Variants in UNC13A observed in about 807,000 individuals in gnomAD.
UNC13A encodes the protein protein unc-13 homolog A.
Under a neutral mutation model 219.7 loss-of-function variants are expected in UNC13A, and 61 were observed. The observed-to-expected ratio is 0.28, with a 90% CI of 0.23 to 0.34. The LOEUF (loss-of-function observed/expected upper bound fraction) is 0.34. UNC13A is among the 10% of genes least tolerant of loss of function. UNC13A has a pLI of 1.00. For missense variants in UNC13A, 1,476 were observed against 2,270.3 expected (o/e 0.65, Z 7.11); for synonymous variants, 920 against 884.6 (o/e 1.04, Z -0.71).
At chr19:17,624,658 C>T (rs1265061958) in intron 35 of UNC13A, among the ~76,000 whole-genome samples, 171 bp downstream of exon 35, 1 of 152,102 alleles carries the variant, frequency 6.6e-6, no homozygotes, top group Non-Finnish European at 1.5e-5. Context: ...CTGAATGGCC[C>T]CCCACTGACC....
Position 17,604,440 on chromosome 19 carries a change from G to C in UNC13A, c.*1614C>G, listed in dbSNP as rs555833972. ...CAACAGTTCTTCTCTCCTGGCCTTC[G>C]CACGTGCTGTTCCCCAGGCCTGGAG... On this transcript the variant is annotated 3_prime_UTR_variant, in exon 44 of 44. Coordinates refer to ENST00000519716, the MANE Select transcript of UNC13A (RefSeq NM_001080421.3). The C allele has an allele frequency of 2.0e-5, 3 of 152,180 alleles. No homozygotes were observed. The highest frequency in any genetic ancestry group is 7.2e-5 in the African/African-American group (3 of 41,468). The allele number at this position is 152,180 out of a possible 1,614,324, so 9.4% of individuals were successfully genotyped here.
At chr19:17,670,763 G>A (rs1177443197) in intron 4 of UNC13A, among the ~76,000 whole-genome samples, 2 of 151,840 alleles carry the variant, frequency 1.3e-5, no homozygotes, top group South Asian at 2.1e-4. Context: ...AATTAGTTGG[G>A]TGTGGTGGCA....
Position 17,678,983 on chromosome 19 carries a change from G to T in UNC13A, c.23-2942C>A, listed in dbSNP as rs551328566. ...CACAAGGAGACAGCGAGAGTACCAG[G>T]CATAGAGGCACATGCCTGTAATCCC... On this transcript the variant is annotated intron_variant, in intron 1 of 43. Coordinates refer to ENST00000519716, the MANE Select transcript of UNC13A (RefSeq NM_001080421.3). Among the ~76,000 whole-genome samples, 109 of 152,122 alleles carry T rather than the reference G, an allele frequency of 7.2e-4. 1 individual carries two copies. The highest frequency in any genetic ancestry group is 2.5e-3 in the African/African-American group (103 of 41,470).
At chr19:17,675,975 G>GACAA in intron 2 of UNC13A, 37 bp downstream of exon 2, 4 of 1,548,270 alleles carry the variant, frequency 2.6e-6, no homozygotes, top group Non-Finnish European at 3.5e-6. Context: ...CAGACAGACA[G>GACAA]ACAACACGGG....
intron 1 of UNC13A, among the ~76,000 whole-genome samples, chr19:17,678,635 C>T (rs371021182): frequency 6.6e-6 from 1 of 151,890 alleles, no homozygotes; most frequent in Non-Finnish European, 1.5e-5. Flanking sequence ...CCCCAGGGAG[C>T]GCACCCACCC....
At chr19:17,641,309 CT>C in intron 21 of UNC13A, 83 bp downstream of exon 21, 1 of 1,541,332 alleles carries the variant, frequency 6.5e-7, no homozygotes, top group Non-Finnish European at 8.8e-7. Context: ...GGTCTTCCCC[CT>C]GAGAATCCCT....
At chr19:17,673,543 A>G (rs936502052) in intron 3 of UNC13A, among the ~76,000 whole-genome samples, 3 of 149,764 alleles carry the variant, frequency 2.0e-5, no homozygotes, top group African/African-American at 7.4e-5. Context: ...ATACACAAAA[A>G]TTAGCCGGGC....
chr19:17,650,645 T>G (rs62121690), intron 12 of UNC13A, among the ~76,000 whole-genome samples: 103,332 of 151,636 alleles, frequency 0.68, 36,087 homozygotes, highest in African/African-American at 0.86. Context: ...GCCTGGCTAA[T>G]TTTTGTATTT....
At chr19:17,613,546 C>T (rs2076626877) in intron 41 of UNC13A, among the ~76,000 whole-genome samples, 1 of 152,078 alleles carries the variant, frequency 6.6e-6, no homozygotes, top group African/African-American at 2.4e-5. Context: ...TCCCCACTCA[C>T]CCCATTCTTG....
chr19:17,666,538 C>CTCTCAGGACTTGTA, intron 7 of UNC13A, 112 bp downstream of exon 7: 1 of 781,048 alleles, frequency 1.3e-6, no homozygotes, highest in South Asian at 3.8e-5. Flanking sequence ...GGACACTGCA[C>CTCTCAGGACTTGTA]TCTCAGGACT....
intron 36 of UNC13A, chr19:17,623,089 T>A (rs992187293): frequency 6.1e-6 from 1 of 164,124 alleles, no homozygotes; most frequent in Non-Finnish European, 1.3e-5. Context: ...TTCAGAGGAA[T>A]CAGAAGTAGA....
At position 17,680,898 on chromosome 19, in the gene UNC13A, T is replaced by TTTTTC. The variant is rs1555699382; in HGVS notation, c.23-4858_23-4857insGAAAA. On this transcript the variant is annotated intron_variant, in intron 1 of 43. Coordinates refer to ENST00000519716, the MANE Select transcript of UNC13A (RefSeq NM_001080421.3). ...TTTTTTCTTTTCTTTTCTTTTTTTTTTTTTTTTTTTTTTTGACAGGGTCTC... is the reference window on the plus strand; with the variant it reads ...TTTTTTCTTTTCTTTTCTTTTTTTTTTTTTCTTTTTTTTTTTTTTGACAGGGTCTC... Among the ~76,000 whole-genome samples, 104 of 105,228 alleles carry TTTTTC rather than the reference T, an allele frequency of 9.9e-4. 2 individuals carry two copies. The highest frequency in any genetic ancestry group is 3.9e-3 in the African/African-American group (99 of 25,430). 69.0% of individuals were successfully genotyped at this position (105,228 alleles called of 152,430 possible).
Position 17,617,906 on chromosome 19 carries a change from G to C in UNC13A, c.4411-57C>G, listed in dbSNP as rs949165289. ...TGGTGGGAACCTCTACCCACTCATA[G>C]GGCTGGGTAGCCCTGCTGTCCCCAC... On this transcript the variant is annotated intron_variant, in intron 40 of 43. Coordinates refer to ENST00000519716, the MANE Select transcript of UNC13A (RefSeq NM_001080421.3). The C allele has an allele frequency of 6.3e-6, 10 of 1,599,378 alleles. No homozygotes were observed. In the South Asian group the frequency reaches 7.8e-5, roughly 12 times the overall value.
At chr19:17,630,341 C>T (rs1325804343) in intron 29 of UNC13A, 53 bp from the exon 30 acceptor site, 4 of 1,546,478 alleles carry the variant, frequency 2.6e-6, no homozygotes, top group Non-Finnish European at 3.5e-6. Context: ...CAGAGAATCC[C>T]TAGAGCCCAA....
In UNC13A at chr19:17,606,442, C is replaced by CGCCCACACCGGGGT. The variant is rs918705815; in HGVS notation, c.4812-102_4812-89dup. The CGCCCACACCGGGGT allele has an allele frequency of 2.2e-4, 331 of 1,478,244 alleles. 1 individual carries two copies. Among genetic ancestry groups the CGCCCACACCGGGGT allele is most frequent in the South Asian group, 7.7e-4 (60 of 77,526 alleles). The allele number at this position is 1,478,244 out of a possible 1,614,324, so 91.6% of individuals were successfully genotyped here. Reference sequence around the variant, plus strand: ...CCGTCCCCACCGCATTTGCGGGCCACGCCCACACCGGGGTGCCCACACCTG... The same window carrying CGCCCACACCGGGGT: ...CCGTCCCCACCGCATTTGCGGGCCACGCCCACACCGGGGTGCCCACACCGGGGTGCCCACACCTG... On this transcript the variant is annotated intron_variant, in intron 43 of 43. Coordinates refer to ENST00000519716, the MANE Select transcript of UNC13A (RefSeq NM_001080421.3).
chr19:17,637,180 G>T lies in UNC13A; in HGVS notation c.3082-1023C>A, dbSNP rs533989022. 2.0e-5 allele frequency among the ~76,000 whole-genome samples: 3 copies of T among 152,042 alleles called. No homozygotes were observed. In the East Asian group the frequency reaches 5.8e-4, roughly 29 times the overall value. ...TGCAAAGATAGGGTCTCGCTATGTT[G>T]CCCAAACTGGTCTCGAGCTCCTGGC... On this transcript the variant is annotated intron_variant, in intron 25 of 43. Coordinates refer to ENST00000519716, the MANE Select transcript of UNC13A (RefSeq NM_001080421.3).
Position 17,604,371 on chromosome 19 carries a change from C to G in UNC13A, c.*1683G>C, listed in dbSNP as rs2076499016. On this transcript the variant is annotated 3_prime_UTR_variant, in exon 44 of 44. Transcript: ENST00000519716. ...CCAACCCCAAGGCTCCTCACGATCC[C>G]CCTTGCTGGCTCAGCTCCAGCCGTG... 1 of 152,406 alleles carries G rather than the reference C, an allele frequency of 6.6e-6. No homozygotes were observed. The highest frequency in any genetic ancestry group is 1.5e-5 in the Non-Finnish European group (1 of 68,206). 9.4% of individuals were successfully genotyped at this position (152,406 alleles called of 1,614,324 possible).
intron 34 of UNC13A, chr19:17,626,383 C>T (rs970072816): frequency 1.7e-5 from 8 of 462,702 alleles, no homozygotes; most frequent in Middle Eastern, 5.6e-4. Context: ...CGTCCACCCA[C>T]CTACCCATCC....
chr19:17,636,280 T>C, intron 25 of UNC13A, 123 bp from the exon 26 acceptor site: 1 of 1,209,502 alleles, frequency 8.3e-7, no homozygotes, highest in Non-Finnish European at 1.1e-6. Flanking sequence ...ATGGTTCAGG[T>C]AAGAAATCTA....
Sources: allele counts gnomAD v4.1 joint callset (sites outside exome capture counted in the v4.1 genomes callset), GRCh38; gene constraint gnomAD v4.1.1; transcripts MANE v1.5; gene names NCBI Gene and HGNC (gene_info 2026-07-23, HGNC 2026-07-21).